SEC24D: variants seen among roughly 807,000 people sequenced by gnomAD.
The protein encoded by SEC24D is protein transport protein Sec24D.
A neutral mutation model predicts 116.9 loss-of-function variants in SEC24D; 69 were observed. The ratio of observed to expected loss-of-function variants is 0.59; its 90% CI spans 0.49 to 0.72. The LOEUF is 0.72. Ranked by LOEUF, SEC24D falls within the 30% of genes least tolerant of loss-of-function variation. SEC24D has a pLI of 0.00. For synonymous variants in SEC24D, 405 were observed against 442.8 expected, an observed-to-expected ratio of 0.91 and a Z score of 1.07; for missense variants, 1,131 against 1,264.1, an observed-to-expected ratio of 0.89 and a Z score of 1.60.
rs375949296 is a variant in SEC24D, at chr4:118,768,222, G to A, written c.1131C>T (p.Ile377=). 41 of 1,613,660 alleles carry A rather than the reference G, an allele frequency of 2.5e-5. No homozygotes were observed. The highest frequency in any genetic ancestry group is 1.4e-4 in the South Asian group (13 of 91,054). Residue 377 remains isoleucine, a synonymous_variant, in exon 9 of 23, where the codon ATC becomes ATT. Coordinates refer to ENST00000280551, the MANE Select transcript of SEC24D (RefSeq NM_014822.4). ...KAYMCPFMQF[I]EGGRRYQCGF... ...CACACTGATATCTCCTTCCTCCTTCGATGAACTGCATAAATGGGCACATGT... is the reference window on the plus strand; with the variant it reads ...CACACTGATATCTCCTTCCTCCTTCAATGAACTGCATAAATGGGCACATGT...
intron 8 of SEC24D, among the ~76,000 whole-genome samples, chr4:118,796,451 A>G (rs547663231): frequency 6.6e-6 from 1 of 152,184 alleles, no homozygotes; most frequent in South Asian, 2.1e-4. Flanking sequence ...ACCATACCAC[A>G]CGTAAGTTTG....
intron 13 of SEC24D, among the ~76,000 whole-genome samples, chr4:118,751,174 G>C (rs1286742164): frequency 9.6e-6 from 1 of 104,594 alleles, no homozygotes; most frequent in Non-Finnish European, 2.1e-5. Flanking sequence ...TTAGAGTGAG[G>C]GCTTTTTTTT....
chr4:118,728,683 G>A (rs1459662497), intron 21 of SEC24D, 33 bp from the exon 22 acceptor site: 1 of 1,260,912 alleles, frequency 7.9e-7, no homozygotes, highest in African/African-American at 1.5e-5. Context: ...TTTTAGTACA[G>A]TTTATAACAT....
chr4:118,733,915 G>A (rs1020904512), intron 19 of SEC24D, among the ~76,000 whole-genome samples: 5 of 151,774 alleles, frequency 3.3e-5, no homozygotes, highest in African/African-American at 1.2e-4. Context: ...CTGCCCCAAA[G>A]TACATGCCCT....
intron 2 of SEC24D, among the ~76,000 whole-genome samples, chr4:118,830,415 T>C (rs755148005): frequency 2.6e-5 from 4 of 152,214 alleles, no homozygotes; most frequent in Non-Finnish European, 4.4e-5. Flanking sequence ...ACTTGGAAGC[T>C]AGGCAACAGA....
At chr4:118,793,886 TCAAATA>T (rs2110501899) in intron 8 of SEC24D, among the ~76,000 whole-genome samples, 2 of 152,294 alleles carry the variant, frequency 1.3e-5, no homozygotes, top group East Asian at 3.9e-4. Context: ...AACAGTACTG[TCAAATA>T]CATTTACATA....
chr4:118,765,354 C>CT (rs1727595371), intron 9 of SEC24D, among the ~76,000 whole-genome samples: 1 of 152,228 alleles, frequency 6.6e-6, no homozygotes, highest in Non-Finnish European at 1.5e-5. Context: ...TAAGAGATGT[C>CT]TTCACCCATG....
chr4:118,815,390 T>A lies in SEC24D; in HGVS notation c.673+61A>T. On this transcript the variant is annotated intron_variant, in intron 5 of 22. Transcript: ENST00000280551. ...CCTAGTAACATAGGAACAAAGCTGA[T>A]TTTCAGTTAAGGGTTCCCCTGGGTA... The A allele has an allele frequency of 5.7e-6, 9 of 1,574,060 alleles. No homozygotes were observed. In the South Asian group the frequency reaches 1.0e-4, roughly 18 times the overall value.
At chr4:118,749,614 G>A (rs1368922810) in intron 13 of SEC24D, among the ~76,000 whole-genome samples, 1 of 152,172 alleles carries the variant, frequency 6.6e-6, no homozygotes, top group Non-Finnish European at 1.5e-5. Flanking sequence ...TTATCTGGCT[G>A]ACCAGCCACA....
At chr4:118,829,997 G>A (rs1015180103) in intron 2 of SEC24D, among the ~76,000 whole-genome samples, 2 of 152,200 alleles carry the variant, frequency 1.3e-5, no homozygotes, top group Admixed American at 6.5e-5. Context: ...CAATAAAAGC[G>A]TCACTAAAAG....
intron 11 of SEC24D, among the ~76,000 whole-genome samples, chr4:118,755,122 G>A (rs903358435): frequency 1.3e-5 from 2 of 151,948 alleles, no homozygotes; most frequent in African/African-American, 4.8e-5. Context: ...GGTCTCCATG[G>A]GAACTTTTTT....
At chr4:118,774,030 T>C (rs922823634) in intron 8 of SEC24D, among the ~76,000 whole-genome samples, 6 of 152,030 alleles carry the variant, frequency 3.9e-5, no homozygotes, top group African/African-American at 1.2e-4. Flanking sequence ...ACTTAATACA[T>C]TGTGTTAGTT....
rs531745561 is a variant in SEC24D, at chr4:118,795,601, T to A, written c.1041+2082A>T. 2.0e-5 allele frequency among the ~76,000 whole-genome samples: 3 copies of A among 152,304 alleles called. No individual in the cohort carries two copies. In the East Asian group the frequency reaches 5.8e-4, roughly 29 times the overall value. On this transcript the variant is annotated intron_variant, in intron 8 of 22. Transcript: ENST00000280551. ...AAAAAAGAAACAGACTGTTGATACA[T>A]GCAACATCACAATGGCTCTTTAAAA...
intron 7 of SEC24D, among the ~76,000 whole-genome samples, chr4:118,799,402 C>T (rs1729324726): frequency 6.6e-6 from 1 of 152,098 alleles, no homozygotes; most frequent in Non-Finnish European, 1.5e-5. Context: ...TTTGGGAAAT[C>T]TATTACACAG....
At chr4:118,747,639 A>AAGT (rs1304628601) in intron 13 of SEC24D, among the ~76,000 whole-genome samples, 7 of 152,176 alleles carry the variant, frequency 4.6e-5, no homozygotes, top group Non-Finnish European at 1.0e-4. Flanking sequence ...CTTTAAAAAA[A>AAGT]AGTCTACCTT....
chr4:118,763,859 G>A (rs1578410115), intron 10 of SEC24D, among the ~76,000 whole-genome samples: 1 of 152,180 alleles, frequency 6.6e-6, no homozygotes, highest in East Asian at 1.9e-4. Context: ...AAATTCCATG[G>A]GGATAAATGC....
intron 8 of SEC24D, among the ~76,000 whole-genome samples, chr4:118,778,290 G>GT (rs1031650324): frequency 5.3e-5 from 8 of 152,200 alleles, no homozygotes; most frequent in Admixed American, 5.2e-4. Context: ...TGTATAAGGT[G>GT]TAAGGAAGGG....
intron 10 of SEC24D, 139 bp from the exon 11 acceptor site, chr4:118,757,984 T>C (rs1348745189): frequency 1.5e-6 from 1 of 672,050 alleles, no homozygotes; most frequent in African/African-American, 1.9e-5. Context: ...TTAAATCATT[T>C]TTCCAGAATA....
At chr4:118,817,435 C>G (rs2110526865) in intron 3 of SEC24D, 23 bp from the exon 4 acceptor site, 2 of 1,589,556 alleles carry the variant, frequency 1.3e-6, no homozygotes, top group Middle Eastern at 3.4e-4. Context: ...AACAGGATGT[C>G]AAACAATATC....
Sources: allele counts gnomAD v4.1 joint callset (sites outside exome capture counted in the v4.1 genomes callset), GRCh38; gene constraint gnomAD v4.1.1; transcripts MANE v1.5; gene names NCBI Gene and HGNC (gene_info 2026-07-23, HGNC 2026-07-21).